The following DBX2 variants were observed in gnomAD, a reference collection of about 807,000 sequenced individuals.
The protein encoded by DBX2 is developing brain homeobox 2.
In DBX2, 16 loss-of-function variants were observed where a neutral mutation model predicts 17.7. The ratio of observed to expected loss-of-function variants is 0.90; its 90% CI spans 0.61 to 1.37. DBX2 has a LOEUF of 1.37. Ranked by LOEUF, DBX2 falls within the 40% of genes most tolerant of loss-of-function variation. The probability of loss-of-function intolerance (pLI) is 0.00; values close to 1 mark genes in which losing one functional copy is unlikely to be tolerated. For synonymous variants in DBX2, 255 were observed against 183.8 expected, an observed-to-expected ratio of 1.39 and a Z score of -3.13; for missense variants, 538 against 433.8, an observed-to-expected ratio of 1.24 and a Z score of -2.13.
chr12:45,044,447 G>A (rs1211630813), intron 1 of DBX2, among the ~76,000 whole-genome samples: 2 of 152,000 alleles, frequency 1.3e-5, no homozygotes, highest in South Asian at 2.1e-4. Context: ...AAGAAATTTT[G>A]AGCCTTTTCA....
At chr12:45,050,186 A>C (rs1946521891) in intron 1 of DBX2, among the ~76,000 whole-genome samples, 2 of 152,172 alleles carry the variant, frequency 1.3e-5, no homozygotes. Context: ...AACTTGGTGA[A>C]ACCCCTTGAG....
At chr12:45,029,916 A>AAAG (rs1565582731) in intron 2 of DBX2, among the ~76,000 whole-genome samples, 4 of 151,268 alleles carry the variant, frequency 2.6e-5, no homozygotes, top group African/African-American at 9.7e-5. Flanking sequence ...ATAAATAAAA[A>AAAG]TAAAGAATGA....
chr12:45,036,838 T>C (rs1260982766), intron 1 of DBX2, among the ~76,000 whole-genome samples: 1 of 152,200 alleles, frequency 6.6e-6, no homozygotes, highest in East Asian at 1.9e-4. Context: ...TCCCATTTTA[T>C]CTCAAGAGTA....
At chr12:45,037,531 T>C (rs1946447199) in intron 1 of DBX2, among the ~76,000 whole-genome samples, 2 of 152,280 alleles carry the variant, frequency 1.3e-5, no homozygotes, top group South Asian at 4.1e-4. Flanking sequence ...ATCTAAAACA[T>C]GACTTGAAAA....
intron 1 of DBX2, among the ~76,000 whole-genome samples, chr12:45,048,098 T>C (rs375517781): frequency 3.0e-4 from 46 of 152,212 alleles, no homozygotes; most frequent in Middle Eastern, 3.4e-3. Flanking sequence ...ATGAATGAAA[T>C]ATATGGTATA....
At chr12:45,049,154 A>T (rs1946515666) in intron 1 of DBX2, among the ~76,000 whole-genome samples, 1 of 152,246 alleles carries the variant, frequency 6.6e-6, no homozygotes, top group Non-Finnish European at 1.5e-5. Flanking sequence ...GGAGACAATT[A>T]TGATTAGAAA....
At chr12:45,017,977 A>C (rs539590827) in intron 3 of DBX2, among the ~76,000 whole-genome samples, 3 of 152,334 alleles carry the variant, frequency 2.0e-5, no homozygotes, top group East Asian at 3.9e-4. Flanking sequence ...CAGATTGGCA[A>C]AACAATTTCT....
At chr12:45,044,919 AAG>A (rs1011756030) in intron 1 of DBX2, among the ~76,000 whole-genome samples, 8 of 152,282 alleles carry the variant, frequency 5.3e-5, no homozygotes, top group African/African-American at 1.9e-4. Flanking sequence ...AAAAGAATGA[AAG>A]AGAGAGATTT....
intron 3 of DBX2, among the ~76,000 whole-genome samples, chr12:45,022,593 C>A (rs1364094511): frequency 6.6e-6 from 1 of 152,010 alleles, no homozygotes; most frequent in Non-Finnish European, 1.5e-5. Context: ...TGTGAGCCAC[C>A]GCGCCCGGCC....
At chr12:45,029,734 G>A (rs149642859) in intron 2 of DBX2, among the ~76,000 whole-genome samples, 2,080 of 151,746 alleles carry the variant, frequency 0.014, 47 homozygotes, top group African/African-American at 0.047. Context: ...GTGGCGGTGC[G>A]TGCCCGTAAT....
intron 3 of DBX2, among the ~76,000 whole-genome samples, chr12:45,023,378 T>G (rs935300258): frequency 3.3e-5 from 5 of 152,206 alleles, no homozygotes; most frequent in African/African-American, 1.2e-4. Context: ...ATTTATATAA[T>G]GTAATTACCA....
Position 45,020,169 on chromosome 12 carries a change from C to T in DBX2, c.687+3538G>A, listed in dbSNP as rs184937694. Among the ~76,000 whole-genome samples, 430 of 152,170 alleles carry T rather than the reference C, an allele frequency of 2.8e-3. 2 individuals are homozygous for T. Among genetic ancestry groups the T allele is most frequent in the Middle Eastern group, 0.01 (3 of 294 alleles). ...CATTTTCATCACCTCAAAAGGAAAT[C>T]CCACACCCTTTAGCTATCTCTATTC... On this transcript the variant is annotated intron_variant, in intron 3 of 3. Transcript: ENST00000332700.
At chr12:45,036,810 T>G (rs926783680) in intron 1 of DBX2, among the ~76,000 whole-genome samples, 1 of 152,200 alleles carries the variant, frequency 6.6e-6, no homozygotes, top group Non-Finnish European at 1.5e-5. Flanking sequence ...TTACATGACT[T>G]AAAGTATTTG....
chr12:45,023,026 G>A (rs1946361915), intron 3 of DBX2, among the ~76,000 whole-genome samples: 1 of 152,160 alleles, frequency 6.6e-6, no homozygotes, highest in African/African-American at 2.4e-5. Flanking sequence ...ACAATTATAA[G>A]GAGGGTTAAA....
At chr12:45,044,063 G>A (rs944584593) in intron 1 of DBX2, among the ~76,000 whole-genome samples, 3 of 152,012 alleles carry the variant, frequency 2.0e-5, no homozygotes, top group African/African-American at 4.8e-5. Context: ...CCATTTACAC[G>A]TTGGAGCAAG....
intron 2 of DBX2, among the ~76,000 whole-genome samples, chr12:45,030,945 A>G (rs976950609): frequency 2.6e-5 from 4 of 152,194 alleles, no homozygotes; most frequent in Admixed American, 6.5e-5. Context: ...TGTTTAATCC[A>G]GGCCTCTCCA....
intron 2 of DBX2, among the ~76,000 whole-genome samples, chr12:45,034,927 C>T (rs1054231427): frequency 6.6e-6 from 1 of 152,128 alleles, no homozygotes; most frequent in Non-Finnish European, 1.5e-5. Flanking sequence ...GGTGAGGTCG[C>T]GTGTGGATGA....
chr12:45,035,977 A>G (rs1946437923), intron 2 of DBX2, 42 bp downstream of exon 2: 3 of 1,567,512 alleles, frequency 1.9e-6, no homozygotes, highest in South Asian at 2.3e-5. Context: ...GCTTTGGTTT[A>G]CAGAATAACT....
chr12:45,020,385 A>C (rs1292665344), intron 3 of DBX2, among the ~76,000 whole-genome samples: 1 of 152,074 alleles, frequency 6.6e-6, no homozygotes, highest in Non-Finnish European at 1.5e-5. Flanking sequence ...ATTCTTTTTT[A>C]TGGGCAAATA....
Sources: gnomAD v4.1 joint callset for allele counts (sites outside exome capture counted in the v4.1 genomes callset) on GRCh38, gnomAD v4.1.1 for gene constraint, MANE v1.5 for transcripts, NCBI Gene and HGNC (gene_info 2026-07-23, HGNC 2026-07-21) for gene names.